Variants in DGCR2 observed in about 807,000 individuals in gnomAD.
DGCR2 encodes the protein DiGeorge syndrome critical region gene 2.
DGCR2 carries 24 observed loss-of-function variants against 51.6 expected under a neutral mutation model. The ratio of observed to expected loss-of-function variants is 0.47; its 90% CI spans 0.34 to 0.65. The LOEUF is 0.65. Ranked by LOEUF, DGCR2 falls within the 30% of genes least tolerant of loss-of-function variation. DGCR2 has a pLI of 0.01. For missense variants in DGCR2, 765 were observed against 772.1 expected (o/e 0.99, Z 0.11); for synonymous variants, 340 against 315.4 (o/e 1.08, Z -0.82).
chr22:19,060,847 C>T (rs755503627), intron 5 of DGCR2: 5 of 514,840 alleles, frequency 9.7e-6, no homozygotes, highest in East Asian at 5.5e-5. Flanking sequence ...TCCACCAAGG[C>T]GCACAGGAAC....
chr22:19,086,555 G>C (rs903434744), intron 2 of DGCR2, among the ~76,000 whole-genome samples: 2 of 152,026 alleles, frequency 1.3e-5, no homozygotes, highest in African/African-American at 2.4e-5. Flanking sequence ...TCATAGGACC[G>C]TGAGTCAAGG....
At chr22:19,121,204 G>A (rs138099223) in intron 1 of DGCR2, among the ~76,000 whole-genome samples, 2 of 152,242 alleles carry the variant, frequency 1.3e-5, no homozygotes, top group African/African-American at 4.8e-5. Flanking sequence ...AATATTAAGA[G>A]TCATGCTTTT....
rs1270456356 is a variant in DGCR2 at position 19,122,384 on chromosome 22, C to T, written c.-178G>A. 5 of 461,276 alleles carry T rather than the reference C, an allele frequency of 1.1e-5. No homozygotes were observed. In the East Asian group the frequency reaches 1.5e-4, roughly 14 times the overall value. 28.6% of individuals were successfully genotyped at this position (461,276 alleles called of 1,614,324 possible). On this transcript the variant is annotated 5_prime_UTR_variant, in exon 1 of 10. Coordinates refer to ENST00000263196, the MANE Select transcript of DGCR2 (RefSeq NM_005137.3). ...TGGCGCACACTCTCGGCTGCAACCTCAGGCACCGACTCCAGCTGCGCGCAA... is the reference window on the plus strand; with the variant it reads ...TGGCGCACACTCTCGGCTGCAACCTTAGGCACCGACTCCAGCTGCGCGCAA...
intron 1 of DGCR2, among the ~76,000 whole-genome samples, chr22:19,099,843 T>C (rs893415781): frequency 6.6e-6 from 1 of 151,984 alleles, no homozygotes; most frequent in Admixed American, 6.6e-5. Flanking sequence ...TGGTGGCACA[T>C]GTCTGTAATC....
At chr22:19,070,776 T>C (rs1461048572) in intron 2 of DGCR2, among the ~76,000 whole-genome samples, 1 of 152,222 alleles carries the variant, frequency 6.6e-6, no homozygotes, top group Non-Finnish European at 1.5e-5. Flanking sequence ...TGCATCTCCA[T>C]ATCCAAATGC....
rs576706860 is a variant in DGCR2 at position 19,086,691 on chromosome 22, C to T, written c.202+2677G>A. On this transcript the variant is annotated intron_variant, in intron 2 of 9. Coordinates refer to ENST00000263196, the MANE Select transcript of DGCR2 (RefSeq NM_005137.3). ...ATTGTCATGCCTTCACTGCTCAGCC[C>T]TGGTGCAGGCCACCACTCGTAACTT... Among the ~76,000 whole-genome samples the T allele has an allele frequency of 2.6e-5, 4 of 152,190 alleles. No homozygotes were observed. The East Asian group carries it at 7.7e-4, about 29-fold the overall frequency.
intron 9 of DGCR2, 102 bp from the exon 10 acceptor site, chr22:19,039,223 C>T: frequency 2.7e-6 from 4 of 1,464,660 alleles, no homozygotes; most frequent in Admixed American, 2.0e-5. Context: ...TGCCTGAAGG[C>T]CCCCCTGAAG....
intron 6 of DGCR2, 44 bp from the exon 7 acceptor site, chr22:19,048,687 A>C: frequency 6.3e-7 from 1 of 1,596,354 alleles, no homozygotes; most frequent in Non-Finnish European, 8.6e-7. Context: ...CAATGCCAAA[A>C]AAGGTAGCCT....
intron 2 of DGCR2, among the ~76,000 whole-genome samples, chr22:19,074,464 C>T (rs910532118): frequency 3.3e-4 from 49 of 149,646 alleles, no homozygotes; most frequent in African/African-American, 1.1e-3. Flanking sequence ...AAAAAGGAAA[C>T]GGAGTGCTCC....
chr22:19,111,857 TTTA>T (rs1353534909), intron 1 of DGCR2, among the ~76,000 whole-genome samples: 50 of 131,482 alleles, frequency 3.8e-4, no homozygotes, highest in African/African-American at 1.3e-3. Context: ...TTTTTATTTA[TTTA>T]TTTTTTTTTG....
chr22:19,097,074 T>C (rs1169465720), intron 1 of DGCR2, among the ~76,000 whole-genome samples: 1 of 152,078 alleles, frequency 6.6e-6, no homozygotes, highest in African/African-American at 2.4e-5. Context: ...GGGGGTTTTC[T>C]TTCTCCATAC....
chr22:19,084,199 A>AGCCCCTCTGACCGGCC (rs1293266462), intron 2 of DGCR2, among the ~76,000 whole-genome samples: 3 of 150,272 alleles, frequency 2.0e-5, no homozygotes, highest in Admixed American at 2.0e-4. Flanking sequence ...GGATGTGAGG[A>AGCCCCTCTGACCGGCC]GCCCCTCTGA....
intron 1 of DGCR2, among the ~76,000 whole-genome samples, chr22:19,104,881 A>AAGC (rs769150247): frequency 1.3e-5 from 2 of 151,178 alleles, no homozygotes; most frequent in South Asian, 2.1e-4. Flanking sequence ...GCACACTTCA[A>AAGC]AGCAGCAGCA....
At chr22:19,039,202 G>C in intron 9 of DGCR2, 81 bp from the exon 10 acceptor site, 1 of 1,557,444 alleles carries the variant, frequency 6.4e-7, no homozygotes, top group Non-Finnish European at 8.7e-7. Context: ...AAAACCAGGA[G>C]ACACTCCTCC....
chr22:19,082,075 T>C (rs1057186835), intron 2 of DGCR2, among the ~76,000 whole-genome samples: 10 of 150,910 alleles, frequency 6.6e-5, no homozygotes, highest in African/African-American at 2.2e-4. Flanking sequence ...TTTTTTTTTT[T>C]TTGAAACAGG....
rs1346349824 is a variant in DGCR2 at position 19,068,244 on chromosome 22, G to A, written c.203-19C>T. On this transcript the variant is annotated intron_variant, in intron 2 of 9. Transcript: ENST00000263196. ...GTCACTTCTGAAAGCAAAAGGAGAT[G>A]TGTGCTGTGAGTCCTGCCTGTGCAG... 20 of 1,577,168 alleles carry A rather than the reference G, an allele frequency of 1.3e-5. 1 individual carries two copies. The highest frequency in any genetic ancestry group is 3.5e-5 in the South Asian group (3 of 85,328).
chr22:19,101,695 C>T (rs939757312), intron 1 of DGCR2, among the ~76,000 whole-genome samples: 2 of 143,062 alleles, frequency 1.4e-5, no homozygotes, highest in African/African-American at 2.6e-5. Context: ...GAGCCAAGGT[C>T]ACGCCATTGC....
chr22:19,070,681 C>G (rs549579233), intron 2 of DGCR2, among the ~76,000 whole-genome samples: 82 of 152,346 alleles, frequency 5.4e-4, no homozygotes, highest in African/African-American at 1.9e-3. Flanking sequence ...AACCAGAAAG[C>G]CAAATGGTGA....
chr22:19,048,245 G>A (rs2082511357), intron 7 of DGCR2, 195 bp downstream of exon 7: 1 of 618,160 alleles, frequency 1.6e-6, no homozygotes, highest in East Asian at 2.7e-5. Context: ...GGCAGCTGGA[G>A]GGGTCGTGTC....
Sources: gnomAD v4.1 joint callset for allele counts (sites outside exome capture counted in the v4.1 genomes callset) on GRCh38, gnomAD v4.1.1 for gene constraint, MANE v1.5 for transcripts, NCBI Gene and HGNC (gene_info 2026-07-23, HGNC 2026-07-21) for gene names.